Variants in VWA8 observed in about 807,000 individuals in gnomAD.
The protein encoded by VWA8 is von Willebrand factor A domain containing 8.
A neutral mutation model predicts 241.5 loss-of-function variants in VWA8; 221 were observed. The ratio of observed to expected loss-of-function variants is 0.91; its 90% CI spans 0.82 to 1.02. The LOEUF is 1.02. VWA8 is among the 50% of genes least tolerant of loss of function. The probability of loss-of-function intolerance (pLI) is 0.00; values close to 1 mark genes in which losing one functional copy is unlikely to be tolerated. For missense variants in VWA8, 2,322 were observed against 2,328.7 expected (o/e 1.00, Z 0.06); for synonymous variants, 852 against 827.1 (o/e 1.03, Z -0.52).
rs1289030856 is a variant in VWA8 at position 41,819,469 on chromosome 13, T to C, written c.1701-83A>G. 5.7e-6 allele frequency: 8 copies of C among 1,394,708 alleles called. No homozygotes were observed. The East Asian group carries it at 1.7e-4, about 30-fold the overall frequency. 86.4% of individuals were successfully genotyped at this position (1,394,708 alleles called of 1,614,324 possible). ...CATGGTAACTAAAGTCTAGGCAACG[T>C]TAGGGCTATCATACTGTTAATAATG... On this transcript the variant is annotated intron_variant, in intron 14 of 44. Coordinates refer to ENST00000379310, the MANE Select transcript of VWA8 (RefSeq NM_015058.2).
rs2044451920 is a variant in VWA8 at position 41,591,139 on chromosome 13, C to A, written c.4987-374G>T. On this transcript the variant is annotated intron_variant, in intron 40 of 44. Coordinates refer to ENST00000379310, the MANE Select transcript of VWA8 (RefSeq NM_015058.2). ...GAATTTGTTAACATTGTCTGTAAGCCCAGAGAAAATGTGACCTTTAGAATT... is the reference window on the plus strand; with the variant it reads ...GAATTTGTTAACATTGTCTGTAAGCACAGAGAAAATGTGACCTTTAGAATT... 1.3e-5 allele frequency among the ~76,000 whole-genome samples: 2 copies of A among 151,976 alleles called. 1 individual carries two copies. The highest frequency in any genetic ancestry group is 1.3e-4 in the Admixed American group (2 of 15,250).
chr13:41,648,540 C>T (rs982766164), intron 37 of VWA8, among the ~76,000 whole-genome samples: 3 of 152,136 alleles, frequency 2.0e-5, no homozygotes, highest in African/African-American at 7.2e-5. Context: ...TGAACTTTCC[C>T]GAATGTAAAC....
chr13:41,957,448 A>T (rs915197160), intron 1 of VWA8, among the ~76,000 whole-genome samples: 6 of 152,098 alleles, frequency 3.9e-5, no homozygotes, highest in African/African-American at 1.4e-4. Context: ...TCCTTATAGC[A>T]GTGTGAGAAC....
chr13:41,672,775 A>G (rs2045034544), intron 36 of VWA8, among the ~76,000 whole-genome samples: 5 of 152,326 alleles, frequency 3.3e-5, no homozygotes, highest in Middle Eastern at 6.8e-3. Context: ...GTAACATTTG[A>G]TACAATACAT....
At chr13:41,785,934 C>G (rs1436667515) in intron 18 of VWA8, among the ~76,000 whole-genome samples, 1 of 152,088 alleles carries the variant, frequency 6.6e-6, no homozygotes, top group Non-Finnish European at 1.5e-5. Context: ...AATACATCCA[C>G]TCAGCAGATT....
chr13:41,939,549 G>GCAC (rs1392332801), intron 2 of VWA8, among the ~76,000 whole-genome samples: 2 of 152,146 alleles, frequency 1.3e-5, no homozygotes, highest in Non-Finnish European at 2.9e-5. Context: ...TGCTGCACTG[G>GCAC]GGAAGATGTC....
intron 21 of VWA8, among the ~76,000 whole-genome samples, chr13:41,735,518 C>T (rs535000693): frequency 1.2e-3 from 177 of 152,102 alleles, no homozygotes; most frequent in African/African-American, 3.8e-3. Context: ...AAATGGGAAA[C>T]GTGGCTTTTA....
chr13:41,681,831 A>G (rs1258698532), intron 35 of VWA8, among the ~76,000 whole-genome samples: 15 of 152,138 alleles, frequency 9.9e-5, no homozygotes, highest in Admixed American at 9.8e-4. Flanking sequence ...TGACATTTAA[A>G]CTGAGAACTG....
Position 41,937,516 on chromosome 13 carries a change from C to T in VWA8, c.241+12420G>A, listed in dbSNP as rs1056664171. ...ATGTCACCACTGATCTGACAGGAGG[C>T]GGATCTCAGGTGGTAATGCCAGCAA... On this transcript the variant is annotated intron_variant, in intron 2 of 44. Transcript: ENST00000379310. Among the ~76,000 whole-genome samples the T allele has an allele frequency of 1.1e-4, 17 of 152,274 alleles. 1 individual carries two copies. Among genetic ancestry groups the T allele is most frequent in the Admixed American group, 7.8e-4 (12 of 15,294 alleles).
chr13:41,621,243 T>C (rs1024702152), intron 37 of VWA8, among the ~76,000 whole-genome samples: 4 of 152,210 alleles, frequency 2.6e-5, no homozygotes, highest in Non-Finnish European at 5.9e-5. Flanking sequence ...TTATATGATT[T>C]TGTTCAACTG....
chr13:41,880,120 C>G (rs530403142), intron 9 of VWA8, among the ~76,000 whole-genome samples: 8 of 152,228 alleles, frequency 5.3e-5, no homozygotes, highest in African/African-American at 1.7e-4. Flanking sequence ...GAAAACCATG[C>G]CCCACGTATT....
chr13:41,665,845 T>C (rs2044982310), intron 37 of VWA8, among the ~76,000 whole-genome samples: 1 of 152,160 alleles, frequency 6.6e-6, no homozygotes, highest in Non-Finnish European at 1.5e-5. Context: ...ATAGTCCTGC[T>C]GATGATTTGA....
chr13:41,856,592 G>A (rs1424090716), intron 12 of VWA8, among the ~76,000 whole-genome samples: 6 of 152,088 alleles, frequency 3.9e-5, no homozygotes, highest in South Asian at 2.1e-4. Context: ...AGACCAAGGC[G>A]GGAGGACTGC....
At chr13:41,637,337 C>T (rs12857480) in intron 37 of VWA8, among the ~76,000 whole-genome samples, 4,562 of 146,468 alleles carry the variant, frequency 0.031, 73 homozygotes, top group South Asian at 0.073. Context: ...ACCGCATGTT[C>T]TCACTCATAG....
intron 2 of VWA8, among the ~76,000 whole-genome samples, chr13:41,932,646 T>A (rs544337904): frequency 1.3e-5 from 2 of 152,000 alleles, no homozygotes; most frequent in South Asian, 4.2e-4. Context: ...AGTTGAAAAG[T>A]TAGCTTAACA....
At chr13:41,585,846 A>G (rs1288118814) in intron 42 of VWA8, among the ~76,000 whole-genome samples, 2 of 150,270 alleles carry the variant, frequency 1.3e-5, no homozygotes, top group Admixed American at 6.7e-5. Flanking sequence ...CCTGGGCGAC[A>G]GAGTGAGACA....
chr13:41,790,055 C>T (rs2137946583), intron 17 of VWA8, among the ~76,000 whole-genome samples: 2 of 152,156 alleles, frequency 1.3e-5, no homozygotes, highest in South Asian at 2.1e-4. Flanking sequence ...TAAATGGAAC[C>T]AGACATTTTT....
chr13:41,856,838 TAA>T (rs550321490), intron 12 of VWA8, among the ~76,000 whole-genome samples: 5 of 132,466 alleles, frequency 3.8e-5, no homozygotes, highest in African/African-American at 5.8e-5. Flanking sequence ...AAATGAAAAT[TAA>T]AAAAAAAAAA....
chr13:41,718,609 T>C (rs1197517332), intron 26 of VWA8, among the ~76,000 whole-genome samples: 1 of 151,890 alleles, frequency 6.6e-6, no homozygotes, highest in African/African-American at 2.4e-5. Flanking sequence ...GATACTTTAA[T>C]AATTTATTTC....
Sources: allele counts gnomAD v4.1 joint callset (sites outside exome capture counted in the v4.1 genomes callset), GRCh38; gene constraint gnomAD v4.1.1; transcripts MANE v1.5; gene names NCBI Gene and HGNC (gene_info 2026-07-23, HGNC 2026-07-21).